DEPDC5: variants seen among roughly 807,000 people sequenced by gnomAD.
The protein encoded by DEPDC5 is DEP domain containing 5, GATOR1 subcomplex subunit, also known as GATOR1 complex protein DEPDC5.
In DEPDC5, 73 loss-of-function variants were observed where a neutral mutation model predicts 217.3. The observed-to-expected ratio is 0.34, with a 90% CI of 0.28 to 0.41. The LOEUF (loss-of-function observed/expected upper bound fraction) is 0.41. Ranked by LOEUF, DEPDC5 falls within the 10% of genes least tolerant of loss-of-function variation. DEPDC5 has a pLI of 1.00. For synonymous variants in DEPDC5, 733 were observed against 756.7 expected, an observed-to-expected ratio of 0.97 and a Z score of 0.51; for missense variants, 1,675 against 2,070.1, an observed-to-expected ratio of 0.81 and a Z score of 3.70.
intron 27 of DEPDC5, among the ~76,000 whole-genome samples, chr22:31,840,665 T>C (rs1486157194): frequency 1.3e-5 from 2 of 152,224 alleles, no homozygotes; most frequent in Non-Finnish European, 2.9e-5. Flanking sequence ...GACTGTATCC[T>C]TTCTGGTTAT....
rs1353547647 is a variant in DEPDC5 at position 31,836,987 on chromosome 22, C to T, written c.2186C>T (p.Ala729Val). 1.2e-6 allele frequency: 2 copies of T among 1,613,666 alleles called. No homozygotes were observed. Among genetic ancestry groups the T allele is most frequent in the Non-Finnish European group, 8.5e-7 (1 of 1,179,866 alleles). ...CGTGAGGCAGTTCTGACACTGTCTG[C>T]TCCCCCTGTAGTGCCAGGCTTCTGT... is the stretch of plus-strand genomic sequence containing the variant. The part of the protein sequence containing the change: ...TSPDPILTLS[A>V]PPVVPGFCCT... The change falls in exon 26 of 43, where the codon GCT becomes GTT. Residue 729 changes from alanine to valine, a missense_variant. Coordinates refer to ENST00000651528, the MANE Select transcript of DEPDC5 (RefSeq NM_001242896.3).
intron 31 of DEPDC5, among the ~76,000 whole-genome samples, chr22:31,856,601 T>A (rs540924778): frequency 6.6e-6 from 1 of 151,416 alleles, no homozygotes; most frequent in African/African-American, 2.4e-5. Flanking sequence ...CGAGATGGGG[T>A]GAGATGTCGT....
intron 31 of DEPDC5, among the ~76,000 whole-genome samples, chr22:31,849,874 A>G (rs2091937873): frequency 6.6e-6 from 1 of 152,166 alleles, no homozygotes; most frequent in Admixed American, 6.5e-5. Context: ...TGCCCCCATT[A>G]TTCAGTTACC....
Position 31,833,990 on chromosome 22 carries a change from GGCA to G in DEPDC5, c.2170+13_2170+15del, listed in dbSNP as rs752436054. ...ACCTCTCCAGACCCAAGTAAGAGGG[GGCA>G]GCTGACTGGGGAAAGGGGTAGACAG... On this transcript the variant is annotated intron_variant, in intron 25 of 42. Transcript: ENST00000651528. The G allele has an allele frequency of 1.2e-6, 2 of 1,613,492 alleles. No individual in the cohort carries two copies. Among genetic ancestry groups the G allele is most frequent in the Admixed American group, 1.7e-5 (1 of 60,018 alleles).
intron 31 of DEPDC5, among the ~76,000 whole-genome samples, chr22:31,851,437 C>T (rs2092021659): frequency 6.6e-6 from 1 of 152,186 alleles, no homozygotes. Context: ...GCCTTCCCTG[C>T]CCCTCTCCAC....
chr22:31,861,335 T>C, intron 32 of DEPDC5, 33 bp from the exon 33 acceptor site: 1 of 1,537,776 alleles, frequency 6.5e-7, no homozygotes, highest in Non-Finnish European at 8.8e-7. Context: ...TCCTTGCAAC[T>C]GCTGCTGCTG....
rs1602610675 is a variant in DEPDC5, at chr22:31,873,115, T to G, written c.3486-140T>G. ...TGAGATAACCCCCTGATATAGCTGTTTGGAATTTACTAAAATGCCTTTAGT... is the reference window on the plus strand; with the variant it reads ...TGAGATAACCCCCTGATATAGCTGTGTGGAATTTACTAAAATGCCTTTAGT... On this transcript the variant is annotated intron_variant, in intron 34 of 42. Transcript: ENST00000651528. 5.3e-6 allele frequency: 8 copies of G among 1,511,440 alleles called. No individual in the cohort carries two copies. The East Asian group carries it at 2.0e-4, about 37-fold the overall frequency. 93.6% of individuals were successfully genotyped at this position (1,511,440 alleles called of 1,614,324 possible). A position where few individuals can be genotyped will look rare whatever the true frequency, so the allele number is the denominator to read the frequency against.
At chr22:31,897,745 A>G in intron 40 of DEPDC5, 92 bp downstream of exon 40, 1 of 1,444,642 alleles carries the variant, frequency 6.9e-7, no homozygotes, top group East Asian at 2.3e-5. Flanking sequence ...AACACGGACT[A>G]GGGAAAAGGG....
intron 38 of DEPDC5, among the ~76,000 whole-genome samples, chr22:31,882,497 G>A (rs1009739935): frequency 3.3e-5 from 5 of 152,108 alleles, no homozygotes; most frequent in Non-Finnish European, 7.4e-5. Flanking sequence ...TAAATGCCAC[G>A]AATCCAAGTG....
chr22:31,839,100 G>C (rs1229206300), intron 27 of DEPDC5, among the ~76,000 whole-genome samples: 1 of 152,164 alleles, frequency 6.6e-6, no homozygotes, highest in Non-Finnish European at 1.5e-5. Context: ...GCCTGGCTTG[G>C]ACAGACACCT....
intron 24 of DEPDC5, among the ~76,000 whole-genome samples, chr22:31,833,551 G>A (rs1413509514): frequency 6.6e-6 from 1 of 152,182 alleles, no homozygotes; most frequent in Non-Finnish European, 1.5e-5. Context: ...GCAGTGGCAC[G>A]ATCAAAGCTC....
At position 31,804,294 on chromosome 22, in the gene DEPDC5, C is replaced by T. The variant is rs1306906865; in HGVS notation, c.1143+71C>T. The T allele has an allele frequency of 9.6e-6, 14 of 1,456,448 alleles. No individual in the cohort carries two copies. In the East Asian group the frequency reaches 2.5e-4, roughly 26 times the overall value. The allele number at this position is 1,456,448 out of a possible 1,614,324, so 90.2% of individuals were successfully genotyped here. On this transcript the variant is annotated intron_variant, in intron 16 of 42. Transcript: ENST00000651528. ...GTTAGAAAGAGAAAAATTCCAGGCG[C>T]TGTGGCATGCACTTATAGTCCCACT...
In DEPDC5 at chr22:31,846,981, G is replaced by A. The variant is rs1403158415; in HGVS notation, c.3155+14G>A. On this transcript the variant is annotated intron_variant, in intron 31 of 42. Transcript: ENST00000651528. ...GGCCAGTCAGAAGTAAGTGCTTGGT[G>A]GAAGACTGACTTGTCCCCACCTTGA... 6.2e-7 allele frequency: 1 copy of A among 1,614,250 alleles called. No individual in the cohort carries two copies. The highest frequency in any genetic ancestry group is 2.2e-5 in the East Asian group (1 of 44,884).
intron 20 of DEPDC5, among the ~76,000 whole-genome samples, chr22:31,810,842 C>T (rs1240283133): frequency 6.6e-6 from 1 of 151,946 alleles, no homozygotes; most frequent in Non-Finnish European, 1.5e-5. Flanking sequence ...ATGGTGTGAT[C>T]TCGGCTCACT....
At chr22:31,779,531 C>T (rs1055417498) in intron 8 of DEPDC5, among the ~76,000 whole-genome samples, 2 of 152,146 alleles carry the variant, frequency 1.3e-5, no homozygotes, top group African/African-American at 2.4e-5. Flanking sequence ...CCAGTTCATG[C>T]AGGGCCTTCA....
At chr22:31,846,294 T>G (rs1002647153) in intron 30 of DEPDC5, among the ~76,000 whole-genome samples, 2 of 152,232 alleles carry the variant, frequency 1.3e-5, no homozygotes, top group East Asian at 1.9e-4. Flanking sequence ...ATCCAAGTTG[T>G]GTGTGTAAGT....
At chr22:31,886,636 T>C (rs901105744) in intron 38 of DEPDC5, among the ~76,000 whole-genome samples, 2 of 150,606 alleles carry the variant, frequency 1.3e-5, no homozygotes, top group African/African-American at 4.9e-5. Flanking sequence ...GGCATGCACC[T>C]GTAATCCCAG....
rs1208554525 is a variant in DEPDC5 at position 31,766,679 on chromosome 22, A to T, written c.363+11A>T. ...CTAAAGAAAAGTTTGGTAAGATGTG[A>T]TTTTTTTTGAAAGTCTGTTACTTTT... On this transcript the variant is annotated intron_variant, in intron 6 of 42. Coordinates refer to ENST00000651528, the MANE Select transcript of DEPDC5 (RefSeq NM_001242896.3). The T allele has an allele frequency of 2.5e-6, 4 of 1,609,766 alleles. No homozygotes were observed. Among genetic ancestry groups the T allele is most frequent in the Non-Finnish European group, 3.4e-6 (4 of 1,177,906 alleles).
At chr22:31,817,425 A>C in intron 21 of DEPDC5, 1 of 469,030 alleles carries the variant, frequency 2.1e-6, no homozygotes, top group South Asian at 1.6e-5. Flanking sequence ...GACATCTTTC[A>C]TATACTTGGT....
Sources: gnomAD v4.1 joint callset for allele counts (sites outside exome capture counted in the v4.1 genomes callset) on GRCh38, gnomAD v4.1.1 for gene constraint, MANE v1.5 for transcripts, NCBI Gene and HGNC (gene_info 2026-07-23, HGNC 2026-07-21) for gene names.